Variants in ELMO1 observed in about 807,000 individuals in gnomAD.
ELMO1 encodes the protein engulfment and cell motility protein 1.
In ELMO1, 26 loss-of-function variants were observed where a neutral mutation model predicts 98.9. The observed-to-expected ratio is 0.26, with a 90% confidence interval of 0.19 to 0.36. The LOEUF (loss-of-function observed/expected upper bound fraction) is 0.36. ELMO1 is among the 10% of genes least tolerant of loss of function. ELMO1 has a pLI of 1.00. For missense variants in ELMO1, 627 were observed against 935.2 expected, an observed-to-expected ratio of 0.67 and a Z score of 4.30; for synonymous variants, 346 against 346.0, an observed-to-expected ratio of 1.00 and a Z score of 0.00.
At chr7:37,258,222 C>T (rs1420451277) in intron 6 of ELMO1, among the ~76,000 whole-genome samples, 1 of 151,860 alleles carries the variant, frequency 6.6e-6, no homozygotes, top group Non-Finnish European at 1.5e-5. Context: ...GAACCGAGAT[C>T]GTCCCACTAC....
intron 16 of ELMO1, among the ~76,000 whole-genome samples, chr7:36,898,788 G>C (rs1382449812): frequency 6.6e-6 from 1 of 152,214 alleles, no homozygotes; most frequent in African/African-American, 2.4e-5. Context: ...CACCTACTCA[G>C]TGCAAGGAAT....
At chr7:37,290,716 A>G (rs1326056178) in intron 4 of ELMO1, among the ~76,000 whole-genome samples, 1 of 152,236 alleles carries the variant, frequency 6.6e-6, no homozygotes, top group Non-Finnish European at 1.5e-5. Context: ...GGGATAGGCA[A>G]TATCTTAGAG....
At chr7:37,298,066 T>C (rs1263887952) in intron 4 of ELMO1, among the ~76,000 whole-genome samples, 1 of 152,174 alleles carries the variant, frequency 6.6e-6, no homozygotes, top group African/African-American at 2.4e-5. Context: ...TTTTTGAAGA[T>C]ACTTGAGATT....
intron 13 of ELMO1, among the ~76,000 whole-genome samples, chr7:37,181,387 G>A (rs980675766): frequency 1.2e-4 from 19 of 152,012 alleles, no homozygotes; most frequent in African/African-American, 4.6e-4. Flanking sequence ...TGCCCTCTCT[G>A]TGGGCTACTC....
At chr7:37,026,020 G>T (rs985381066) in intron 15 of ELMO1, among the ~76,000 whole-genome samples, 1 of 151,866 alleles carries the variant, frequency 6.6e-6, no homozygotes, top group Non-Finnish European at 1.5e-5. Context: ...CTAGTTGTGT[G>T]GTAAACAGTT....
chr7:37,320,104 AAAAT>A (rs1201153578), intron 2 of ELMO1, among the ~76,000 whole-genome samples: 10 of 152,068 alleles, frequency 6.6e-5, no homozygotes, highest in Admixed American at 6.6e-4. Context: ...AAATACAAAA[AAAAT>A]AAATAAATAA....
intron 13 of ELMO1, among the ~76,000 whole-genome samples, chr7:37,170,628 T>TC (rs1790087123): frequency 6.6e-6 from 1 of 151,650 alleles, no homozygotes; most frequent in Non-Finnish European, 1.5e-5. Flanking sequence ...TTTTTTTTTT[T>TC]TGTCAGAGTC....
chr7:36,922,762 G>A (rs1001881225), intron 16 of ELMO1, among the ~76,000 whole-genome samples: 1 of 152,138 alleles, frequency 6.6e-6, no homozygotes, highest in Non-Finnish European at 1.5e-5. Context: ...TGCCAGCATC[G>A]ATCAAGGCCT....
chr7:37,159,702 A>AAAT (rs1000195605), intron 13 of ELMO1, among the ~76,000 whole-genome samples: 3 of 152,108 alleles, frequency 2.0e-5, no homozygotes, highest in Admixed American at 1.3e-4. Flanking sequence ...CTGTCTCAAA[A>AAAT]AATAATAATA....
At chr7:37,164,309 T>C in intron 13 of ELMO1, among the ~76,000 whole-genome samples, 1 of 152,234 alleles carries the variant, frequency 6.6e-6, no homozygotes, top group Non-Finnish European at 1.5e-5. Flanking sequence ...CTGATGGTAG[T>C]TTCTTTTGCT....
At chr7:36,963,327 G>C (rs974772585) in intron 16 of ELMO1, among the ~76,000 whole-genome samples, 2 of 151,900 alleles carry the variant, frequency 1.3e-5, no homozygotes, top group African/African-American at 4.8e-5. Context: ...GCAGTGAGCC[G>C]AGATTGCGCC....
chr7:36,939,382 C>G (rs2129093053), intron 16 of ELMO1, among the ~76,000 whole-genome samples: 2 of 148,658 alleles, frequency 1.3e-5, no homozygotes, highest in Middle Eastern at 3.5e-3. Flanking sequence ...TCATAGAAGA[C>G]TTAACCTAGT....
intron 8 of ELMO1, among the ~76,000 whole-genome samples, chr7:37,232,825 T>C (rs1018167511): frequency 1.3e-5 from 2 of 152,182 alleles, no homozygotes; most frequent in Non-Finnish European, 1.5e-5. Flanking sequence ...CATGGGGAAT[T>C]AACACACTTG....
At chr7:36,972,277 C>G (rs988613941) in intron 16 of ELMO1, among the ~76,000 whole-genome samples, 5 of 152,198 alleles carry the variant, frequency 3.3e-5, no homozygotes, top group African/African-American at 1.2e-4. Flanking sequence ...AAGGAGATAA[C>G]AACTCGTATC....
intron 1 of ELMO1, among the ~76,000 whole-genome samples, chr7:37,403,761 G>C (rs1222889279): frequency 6.6e-6 from 1 of 151,990 alleles, no homozygotes; most frequent in Non-Finnish European, 1.5e-5. Flanking sequence ...TCCCAGGCTG[G>C]TCTCGAACTC....
intron 1 of ELMO1, among the ~76,000 whole-genome samples, chr7:37,358,084 C>T (rs1801560948): frequency 6.6e-6 from 1 of 151,998 alleles, no homozygotes; most frequent in Non-Finnish European, 1.5e-5. Flanking sequence ...TGCTCATTTT[C>T]CCCTCAAGTT....
At chr7:37,240,218 T>C (rs540786161) in intron 7 of ELMO1, among the ~76,000 whole-genome samples, 8 of 152,068 alleles carry the variant, frequency 5.3e-5, no homozygotes, top group African/African-American at 1.9e-4. Flanking sequence ...TTGAATTTTG[T>C]TGTAGAGATA....
chr7:37,058,120 T>G (rs1383071687), intron 15 of ELMO1, among the ~76,000 whole-genome samples: 1 of 152,220 alleles, frequency 6.6e-6, no homozygotes, highest in Admixed American at 6.5e-5. Flanking sequence ...TACATATGAC[T>G]GGCTACTGAA....
chr7:37,097,173 T>C (rs1584637933), intron 14 of ELMO1, among the ~76,000 whole-genome samples: 1 of 152,154 alleles, frequency 6.6e-6, no homozygotes, highest in Admixed American at 6.5e-5. Flanking sequence ...CTGGCATCAG[T>C]TGAATAAATC....
Sources: gnomAD v4.1 joint callset for allele counts (sites outside exome capture counted in the v4.1 genomes callset) on GRCh38, gnomAD v4.1.1 for gene constraint, MANE v1.5 for transcripts, NCBI Gene and HGNC (gene_info 2026-07-23, HGNC 2026-07-21) for gene names.